Variants in DHCR24 observed in about 807,000 individuals in gnomAD.
DHCR24 encodes delta(24)-sterol reductase.
Under a neutral mutation model 61.2 loss-of-function variants are expected in DHCR24, and 28 were observed. The observed-to-expected ratio is 0.46, with a 90% CI of 0.34 to 0.63. DHCR24 has a LOEUF of 0.63. Among genes scored for constraint, DHCR24 ranks in the 20% least tolerant of loss-of-function variants. The pLI, the probability that DHCR24 is intolerant of heterozygous loss-of-function variation, is 0.01. For synonymous variants in DHCR24, 261 were observed against 275.9 expected (o/e 0.95, Z 0.54); for missense variants, 538 against 679.1 (o/e 0.79, Z 2.31).
chr1:54,886,898 G>T lies in DHCR24; in HGVS notation c.222C>A (p.Ile74=). Reference sequence around the variant, plus strand: ...ACCCGGCGCCGCTCACCTGCTTCTGGATGTCCCGCACGCGCTGCTCGTGCA... The same window carrying T: ...ACCCGGCGCCGCTCACCTGCTTCTGTATGTCCCGCACGCGCTGCTCGTGCA... ...PRLHEQRVRD[I]QKQVREWKEQ... Residue 74 remains isoleucine, a synonymous_variant, in exon 1 of 9, where the codon ATC becomes ATA. Coordinates refer to ENST00000371269, the MANE Select transcript of DHCR24 (RefSeq NM_014762.4). 1 of 1,612,914 alleles carries T rather than the reference G, an allele frequency of 6.2e-7. No individual in the cohort carries two copies. Among genetic ancestry groups the T allele is most frequent in the Non-Finnish European group, 8.5e-7 (1 of 1,179,550 alleles).
At chr1:54,875,911 C>T in intron 3 of DHCR24, 31 bp downstream of exon 3, 1 of 1,585,594 alleles carries the variant, frequency 6.3e-7, no homozygotes, top group Non-Finnish European at 8.7e-7. Flanking sequence ...GACCGTGTGT[C>T]TCTTCTTGCC....
intron 6 of DHCR24, among the ~76,000 whole-genome samples, chr1:54,857,579 A>T (rs1646914137): frequency 6.6e-6 from 1 of 152,262 alleles, no homozygotes; most frequent in Admixed American, 6.5e-5. Context: ...AAAAGAGTTT[A>T]TGCAGCATTC....
chr1:54,874,063 A>G (rs1003952271), intron 4 of DHCR24, among the ~76,000 whole-genome samples: 1 of 152,270 alleles, frequency 6.6e-6, no homozygotes, highest in Non-Finnish European at 1.5e-5. Context: ...ACACCTGTAC[A>G]ATGTGTTTGC....
rs886046414 is a variant in DHCR24, at chr1:54,850,114, G to A, written c.*2119C>T. The A allele has an allele frequency of 5.3e-5, 8 of 152,204 alleles. No homozygotes were observed. The highest frequency in any genetic ancestry group is 3.2e-3 in the Middle Eastern group (1 of 316). The allele number at this position is 152,204 out of a possible 1,614,324, so 9.4% of individuals were successfully genotyped here. Reference sequence around the variant, plus strand: ...AAGATTTTACTGGAGCAACATAACCGGAGGGTGTGATTCCAAAATACCTTC... The same window carrying A: ...AAGATTTTACTGGAGCAACATAACCAGAGGGTGTGATTCCAAAATACCTTC... On this transcript the variant is annotated 3_prime_UTR_variant, in exon 9 of 9. Coordinates refer to ENST00000371269, the MANE Select transcript of DHCR24 (RefSeq NM_014762.4).
At chr1:54,860,084 C>A (rs968066079) in intron 6 of DHCR24, among the ~76,000 whole-genome samples, 6 of 152,214 alleles carry the variant, frequency 3.9e-5, no homozygotes, top group African/African-American at 1.4e-4. Flanking sequence ...CACTCCTCCA[C>A]CCCTACCACC....
At chr1:54,854,331 G>GTCAAGC in intron 6 of DHCR24, 97 bp from the exon 7 acceptor site, 1 of 1,064,566 alleles carries the variant, frequency 9.4e-7, no homozygotes, top group Non-Finnish European at 1.4e-6. Flanking sequence ...TTCTGTGCTT[G>GTCAAGC]ACAGAAGCAC....
At chr1:54,878,514 C>CAAAAAAAAAAAAAAAAAAAAAA (rs56198608) in intron 2 of DHCR24, among the ~76,000 whole-genome samples, 3 of 54,326 alleles carry the variant, frequency 5.5e-5, no homozygotes, top group African/African-American at 1.4e-4. Context: ...AACTCTGTCT[C>CAAAAAAAAAAAAAAAAAAAAAA]AAAAAAAAAA....
At chr1:54,885,988 T>A (rs575770578) in intron 1 of DHCR24, among the ~76,000 whole-genome samples, 1 of 152,176 alleles carries the variant, frequency 6.6e-6, no homozygotes, top group South Asian at 2.1e-4. Flanking sequence ...CATGGGAACG[T>A]CTCTCCGCAT....
chr1:54,854,116 T>TGCTCGTACA lies in DHCR24; in HGVS notation c.1130_1138dup (p.Leu377_Glu379dup). 1 of 1,614,046 alleles carries TGCTCGTACA rather than the reference T, an allele frequency of 6.2e-7. No individual in the cohort carries two copies. On this transcript the variant is annotated inframe_insertion, in exon 7 of 9. Coordinates refer to ENST00000371269, the MANE Select transcript of DHCR24 (RefSeq NM_014762.4). ...CAGCATGTCCTGCACCACGTGGTGC[T>TGCTCGTACA]GCTCGTACAGCTTGCGCAGGGTCTC...
intron 6 of DHCR24, among the ~76,000 whole-genome samples, chr1:54,858,931 G>A (rs1466004751): frequency 1.2e-4 from 18 of 152,238 alleles, no homozygotes; most frequent in Admixed American, 1.1e-3. Context: ...CACTGCGCCC[G>A]GCCTTCTGTA....
intron 1 of DHCR24, among the ~76,000 whole-genome samples, chr1:54,885,397 A>T (rs1190226543): frequency 6.6e-6 from 1 of 152,194 alleles, no homozygotes; most frequent in Non-Finnish European, 1.5e-5. Flanking sequence ...AGCTATTACA[A>T]GCCAGGTGTG....
rs1371292794 is a variant in DHCR24, at chr1:54,851,231, C to G, written c.*1002G>C. 1 of 152,470 alleles carries G rather than the reference C, an allele frequency of 6.6e-6. No homozygotes were observed. The highest frequency in any genetic ancestry group is 1.5e-5 in the Non-Finnish European group (1 of 68,016). 9.4% of individuals were successfully genotyped at this position (152,470 alleles called of 1,614,324 possible). Reference sequence around the variant, plus strand: ...CAAGTCGATGCTCTTTTCTTCCAGCCCCACGGTGAGAATCCTACAGAAACA... The same window carrying G: ...CAAGTCGATGCTCTTTTCTTCCAGCGCCACGGTGAGAATCCTACAGAAACA... On this transcript the variant is annotated 3_prime_UTR_variant, in exon 9 of 9. Transcript: ENST00000371269.
At chr1:54,886,850 C>T in intron 1 of DHCR24, 39 bp downstream of exon 1, 1 of 1,604,072 alleles carries the variant, frequency 6.2e-7, no homozygotes. Flanking sequence ...CGCACGCCGC[C>T]TCCGGCCCTG....
chr1:54,884,346 A>G (rs1209561026), intron 1 of DHCR24, among the ~76,000 whole-genome samples: 1 of 152,208 alleles, frequency 6.6e-6, no homozygotes, highest in East Asian at 1.9e-4. Context: ...AATAGCTAAC[A>G]CGTATGGAGG....
Position 54,852,321 on chromosome 1 carries a change from G to A in DHCR24, c.1463C>T (p.Ser488Phe). ...REEFWEMFDG[S>F]LYHKLREKLG... ...CTTCTCTCGCAGCTTGTGGTACAAG[G>A]AGCCATCAAACATCTCCCAGAACTC... The change falls in exon 9 of 9, where the codon TCC becomes TTC. Residue 488 changes from serine to phenylalanine, a missense_variant. Coordinates refer to ENST00000371269, the MANE Select transcript of DHCR24 (RefSeq NM_014762.4). 1 of 1,614,230 alleles carries A rather than the reference G, an allele frequency of 6.2e-7. No individual in the cohort carries two copies. The highest frequency in any genetic ancestry group is 2.2e-5 in the East Asian group (1 of 44,882).
At position 54,883,029 on chromosome 1, in the gene DHCR24, A is replaced by G. The variant is rs1647072747; in HGVS notation, c.387+589T>C. 6.6e-6 allele frequency among the ~76,000 whole-genome samples: 1 copy of G among 152,176 alleles called. No individual in the cohort carries two copies. Among genetic ancestry groups the G allele is most frequent in the Admixed American group, 6.5e-5 (1 of 15,282 alleles). ...TAAGTAACTTGGCCAAGGTCTCACA[A>G]TAATAACAAAATGCCATCAAGTAGA... On this transcript the variant is annotated intron_variant, in intron 2 of 8. Transcript: ENST00000371269. This position sits in a 1 kb window ranked among gnomAD's most constrained non-coding sequence, Gnocchi z 4.3.
intron 6 of DHCR24, among the ~76,000 whole-genome samples, chr1:54,856,215 G>A (rs977357382): frequency 2.0e-5 from 3 of 152,162 alleles, no homozygotes; most frequent in Non-Finnish European, 4.4e-5. Context: ...GTCCATGGCT[G>A]CCTCCAGGCT....
chr1:54,868,421 G>T (rs1646979316), intron 5 of DHCR24, among the ~76,000 whole-genome samples: 1 of 151,902 alleles, frequency 6.6e-6, no homozygotes, highest in Non-Finnish European at 1.5e-5. Flanking sequence ...AGTGAGCCGA[G>T]ATCCCGCCAC....
intron 6 of DHCR24, among the ~76,000 whole-genome samples, chr1:54,857,162 C>T (rs1646912060): frequency 6.6e-6 from 1 of 152,250 alleles, no homozygotes; most frequent in African/African-American, 2.4e-5. Context: ...TTCTGTCCAC[C>T]CATTACTTAT....
Sources: allele counts gnomAD v4.1 joint callset (sites outside exome capture counted in the v4.1 genomes callset), GRCh38; gene constraint gnomAD v4.1.1; non-coding constraint Gnocchi (gnomAD v3.1); transcripts MANE v1.5; gene names NCBI Gene and HGNC (gene_info 2026-07-23, HGNC 2026-07-21).